PTPRD: variants seen among roughly 807,000 people sequenced by gnomAD.
The protein encoded by PTPRD is receptor-type tyrosine-protein phosphatase delta.
A neutral mutation model predicts 214.5 loss-of-function variants in PTPRD; 34 were observed. The observed-to-expected ratio is 0.16, with a 90% CI of 0.12 to 0.21. The LOEUF is 0.21. Ranked by LOEUF, PTPRD falls within the 10% of genes least tolerant of loss-of-function variation. The pLI is 1.00. For missense variants in PTPRD, 2,545 were observed against 2,398.7 expected (o/e 1.06, Z -1.27); for synonymous variants, 1,128 against 845.7 (o/e 1.33, Z -5.79).
chr9:8,795,664 C>T lies in PTPRD; in HGVS notation c.-103-61718G>A, dbSNP rs867702936. Reference sequence around the variant, plus strand: ...TCAGTAATATTTTCATCATAGCCCACGTAAGAATAGATTGCAATGTCCTTT... The same window carrying T: ...TCAGTAATATTTTCATCATAGCCCATGTAAGAATAGATTGCAATGTCCTTT... On this transcript the variant is annotated intron_variant, in intron 11 of 45. Coordinates refer to ENST00000381196, the MANE Select transcript of PTPRD (RefSeq NM_002839.4). 5.3e-5 allele frequency among the ~76,000 whole-genome samples: 8 copies of T among 152,186 alleles called. No individual in the cohort carries two copies. In the East Asian group the frequency reaches 5.8e-4, roughly 11 times the overall value.
intron 4 of PTPRD, among the ~76,000 whole-genome samples, chr9:9,942,736 A>G (rs1042596279): frequency 6.6e-6 from 1 of 152,144 alleles, no homozygotes; most frequent in Non-Finnish European, 1.5e-5. Context: ...GCATGTTTTC[A>G]TAATATTTAA....
At chr9:9,627,487 A>T (rs1372940376) in intron 7 of PTPRD, among the ~76,000 whole-genome samples, 1 of 152,196 alleles carries the variant, frequency 6.6e-6, no homozygotes, top group Admixed American at 6.5e-5. Context: ...TTCTCTAAAA[A>T]GTAACTACAT....
intron 17 of PTPRD, 66 bp downstream of exon 17, chr9:8,526,561 G>T: frequency 7.2e-7 from 1 of 1,386,828 alleles, no homozygotes; most frequent in Non-Finnish European, 9.8e-7. Context: ...GGACAAAGAT[G>T]AGAGGGATGA....
At chr9:9,468,850 G>C (rs1350739828) in intron 8 of PTPRD, among the ~76,000 whole-genome samples, 6 of 152,012 alleles carry the variant, frequency 3.9e-5, no homozygotes, top group Admixed American at 3.9e-4. Flanking sequence ...TATTCTCAAG[G>C]CTTAGTGTGT....
rs2073684649 is a variant in PTPRD, at chr9:10,585,730, C to T, written c.-600+26668G>A. Among the ~76,000 whole-genome samples the T allele has an allele frequency of 2.0e-5, 3 of 152,014 alleles. No individual in the cohort carries two copies. The South Asian group carries it at 6.2e-4, about 31-fold the overall frequency. ...ACATACACACACACATACACAAACA[C>T]ACCACACATAACACACACAAGTGTG... On this transcript the variant is annotated intron_variant, in intron 2 of 45. Transcript: ENST00000381196.
intron 21 of PTPRD, among the ~76,000 whole-genome samples, chr9:8,510,333 T>C (rs748828202): frequency 1.8e-4 from 28 of 151,868 alleles, no homozygotes; most frequent in Non-Finnish European, 3.7e-4. Flanking sequence ...AATAAACATG[T>C]GGTGCGAATA....
intron 3 of PTPRD, among the ~76,000 whole-genome samples, chr9:10,066,353 G>A (rs1426444137): frequency 6.6e-6 from 1 of 151,550 alleles, no homozygotes; most frequent in Non-Finnish European, 1.5e-5. Flanking sequence ...ATGGATTCCT[G>A]ATTTACAACC....
intron 4 of PTPRD, among the ~76,000 whole-genome samples, chr9:10,027,474 T>A (rs2096948816): frequency 6.6e-6 from 1 of 152,214 alleles, no homozygotes; most frequent in Non-Finnish European, 1.5e-5. Context: ...GCTAAGTTTC[T>A]GTACAAAAGT....
intron 10 of PTPRD, among the ~76,000 whole-genome samples, chr9:9,104,678 T>TA (rs775589967): frequency 5.1e-4 from 77 of 152,212 alleles, no homozygotes; most frequent in Non-Finnish European, 9.3e-4. Context: ...TGTATTGAAT[T>TA]ACTTGGTGCT....
intron 14 of PTPRD, among the ~76,000 whole-genome samples, chr9:8,555,390 G>C (rs1213317145): frequency 6.6e-6 from 1 of 152,182 alleles, no homozygotes; most frequent in Non-Finnish European, 1.5e-5. Context: ...CTGGGCAACA[G>C]AGAAAAAACC....
At chr9:10,374,453 C>A (rs2097689521) in intron 2 of PTPRD, among the ~76,000 whole-genome samples, 1 of 152,012 alleles carries the variant, frequency 6.6e-6, no homozygotes. Flanking sequence ...AAAAGACAAG[C>A]ACTCTGGTCC....
At chr9:8,646,312 G>C (rs1194727421) in intron 12 of PTPRD, among the ~76,000 whole-genome samples, 1 of 151,984 alleles carries the variant, frequency 6.6e-6, no homozygotes, top group Non-Finnish European at 1.5e-5. Context: ...TTCGTTCTTT[G>C]AGTTTTGTTT....
chr9:8,461,180 A>C (rs1424652875), intron 32 of PTPRD, among the ~76,000 whole-genome samples: 1 of 152,116 alleles, frequency 6.6e-6, no homozygotes, highest in Non-Finnish European at 1.5e-5. Context: ...ACAATTTCAA[A>C]AGAGAATTCC....
intron 9 of PTPRD, among the ~76,000 whole-genome samples, chr9:9,272,824 T>A (rs1330885324): frequency 6.6e-6 from 1 of 151,240 alleles, no homozygotes; most frequent in Non-Finnish European, 1.5e-5. Context: ...CCAAACTCTG[T>A]GCCAAGATAT....
chr9:8,468,015 T>C (rs1163948330), intron 31 of PTPRD, among the ~76,000 whole-genome samples: 2 of 152,034 alleles, frequency 1.3e-5, no homozygotes, highest in Non-Finnish European at 2.9e-5. Flanking sequence ...CTTGGTTTTA[T>C]TCATACTGCA....
chr9:9,778,863 A>G (rs1253662724), intron 5 of PTPRD, among the ~76,000 whole-genome samples: 2 of 152,068 alleles, frequency 1.3e-5, no homozygotes, highest in Non-Finnish European at 2.9e-5. Flanking sequence ...AAAAATTTCT[A>G]AAATTTATAT....
chr9:9,910,350 C>T (rs959438627), intron 5 of PTPRD, among the ~76,000 whole-genome samples: 5 of 151,886 alleles, frequency 3.3e-5, no homozygotes, highest in African/African-American at 1.2e-4. Flanking sequence ...TGTGTGCAAT[C>T]TTTTAAAAAT....
chr9:9,339,351 TG>T lies in PTPRD; in HGVS notation c.-203+58097del, dbSNP rs570325734. On this transcript the variant is annotated intron_variant, in intron 9 of 45. Transcript: ENST00000381196. ...AAAAAAAAAAATTAGCCAGGCATGG[TG>T]GTGGGTGCCTGTAGTCCCAGCTACT... is the stretch of plus-strand genomic sequence containing the variant. Among the ~76,000 whole-genome samples, 159 of 146,838 alleles carry T rather than the reference TG, an allele frequency of 1.1e-3. 2 individuals are homozygous for T. The South Asian group carries it at 0.015, about 14-fold the overall frequency.
At chr9:9,212,182 C>A (rs958045700) in intron 9 of PTPRD, among the ~76,000 whole-genome samples, 1 of 151,916 alleles carries the variant, frequency 6.6e-6, no homozygotes, top group Non-Finnish European at 1.5e-5. Flanking sequence ...TTGGTGAATT[C>A]CATGTTCTTA....
Sources: gnomAD v4.1 joint callset for allele counts (sites outside exome capture counted in the v4.1 genomes callset) on GRCh38, gnomAD v4.1.1 for gene constraint, MANE v1.5 for transcripts, NCBI Gene and HGNC (gene_info 2026-07-23, HGNC 2026-07-21) for gene names.